The following SELENOW variants were observed in gnomAD, a reference collection of about 807,000 sequenced individuals.
The protein encoded by SELENOW is selenoprotein W, 1.
SELENOW carries 20 observed loss-of-function variants against 16.6 expected under a neutral mutation model. The ratio of observed to expected loss-of-function variants is 1.21; its 90% CI spans 0.85 to 1.76. The LOEUF (loss-of-function observed/expected upper bound fraction) is 1.76. SELENOW is among the 40% of genes most tolerant of loss of function. The pLI, the probability that SELENOW is intolerant of heterozygous loss-of-function variation, is 0.00. For missense variants in SELENOW, 124 were observed against 111.0 expected, an observed-to-expected ratio of 1.12 and a Z score of -0.53; for synonymous variants, 44 against 46.2, an observed-to-expected ratio of 0.95 and a Z score of 0.19.
chr19:47,782,693 A>G (rs1462549380), intron 5 of SELENOW: 2 of 152,062 alleles, frequency 1.3e-5, no homozygotes, highest in Non-Finnish European at 2.9e-5. Context: ...GGCACATGCC[A>G]CTATGCCCGG....
Position 47,778,806 on chromosome 19 carries a change from C to T in SELENOW, c.21C>T (p.Val7=). 6.3e-7 allele frequency: 1 copy of T among 1,599,822 alleles called. No individual in the cohort carries two copies. Among genetic ancestry groups the T allele is most frequent in the Non-Finnish European group, 8.5e-7 (1 of 1,174,896 alleles). ...GAGCCATGGCTCTCGCCGTCCGAGT[C>T]GTTTATTGGTAAGCCCAGCGGCCAG... The part of the protein sequence containing the change: MALAVR[V]VYCGAUGYKS... The change falls in exon 1 of 6, where the codon GTC becomes GTT. Residue 7 remains valine, a synonymous_variant. Transcript: ENST00000601048.
intron 1 of SELENOW, chr19:47,780,118 A>G (rs1366923633): frequency 2.2e-6 from 1 of 455,622 alleles, no homozygotes; most frequent in Non-Finnish European, 4.4e-6. Context: ...AGAATCTAGG[A>G]GCTGCGGGGC....
Position 47,778,759 on chromosome 19 carries a change from C to T in SELENOW, c.-27C>T, listed in dbSNP as rs1388124116. 6 of 1,599,890 alleles carry T rather than the reference C, an allele frequency of 3.8e-6. No homozygotes were observed. Among genetic ancestry groups the T allele is most frequent in the Non-Finnish European group, 1.7e-6 (2 of 1,174,198 alleles). ...GGTTAGTGTGGCCCGGGCGTCCGCT[C>T]CTCAGCGGATGTGGCAGCCCCGAGC... On this transcript the variant is annotated 5_prime_UTR_variant, in exon 1 of 6. Coordinates refer to ENST00000601048, the MANE Select transcript of SELENOW (RefSeq NM_003009.4).
Position 47,780,734 on chromosome 19 carries a change from A to G in SELENOW, c.39A>G (p.Sec13Trp). The G allele has an allele frequency of 6.4e-7, 1 of 1,563,274 alleles. No homozygotes were observed. Among genetic ancestry groups the G allele is most frequent in the Non-Finnish European group, 8.7e-7 (1 of 1,153,562 alleles). Reference sequence around the variant, plus strand: ...TGGACTCTCCTACCAGTGGCGCTTGAGGCTACAAGTCCAAGGTAAGCAGAG... The same window carrying G: ...TGGACTCTCCTACCAGTGGCGCTTGGGGCTACAAGTCCAAGGTAAGCAGAG... ...LAVRVVYCGAUGYKSKYLQLK... is the reference protein window; with the variant it reads ...LAVRVVYCGAWGYKSKYLQLK... The change falls in exon 2 of 6, where the codon TGA (selenocysteine) becomes TGG (tryptophan). Residue 13 changes from selenocysteine (U) to tryptophan (W), a missense_variant. Transcript: ENST00000601048.
Position 47,780,906 on chromosome 19 carries a change from C to CT in SELENOW, c.97_98insT (p.Arg33LeufsTer?), listed in dbSNP as rs1247730976. On this transcript the variant is annotated frameshift_variant, in exon 3 of 6. Transcript: ENST00000601048. LOFTEE classifies it high-confidence loss of function. ...GAAGTTAGAAGATGAGTTCCCCGGC[C>CT]GCCTGGACATCGTGAGTCTTGGGAT... 5.6e-6 allele frequency: 9 copies of CT among 1,613,246 alleles called. No individual in the cohort carries two copies. Among genetic ancestry groups the CT allele is most frequent in the Non-Finnish European group, 5.9e-6 (7 of 1,179,726 alleles).
chr19:47,782,340 G>A (rs1041568336), intron 5 of SELENOW: 1 of 152,022 alleles, frequency 6.6e-6, no homozygotes. Flanking sequence ...TGGATTGTCT[G>A]CTCCAAAAAA....
In SELENOW at chr19:47,781,322, G is replaced by A. The variant is rs781360285; in HGVS notation, c.216G>A (p.Lys72=). 2.5e-6 allele frequency: 4 copies of A among 1,613,222 alleles called. No homozygotes were observed. The highest frequency in any genetic ancestry group is 8.5e-7 in the Non-Finnish European group (1 of 1,179,564). The stretch of plus-strand genomic sequence containing the variant: ...ATGGCTACGTGGACACAGAAAGCAA[G>A]TTTCTGAAGTTGGTGGCCGCCATCA... ...KGDGYVDTES[K]FLKLVAAIKA... is the part of the protein sequence containing the mutation. The change falls in exon 5 of 6, where the codon AAG becomes AAA. Residue 72 remains lysine (K), a synonymous_variant. Transcript: ENST00000601048.
At chr19:47,780,264 T>C in intron 1 of SELENOW, 1 of 367,646 alleles carries the variant, frequency 2.7e-6, no homozygotes, top group Non-Finnish European at 5.5e-6. Flanking sequence ...GGTGTAAGAA[T>C]CCAGGAGCCG....
At chr19:47,779,419 C>G (rs934702843) in intron 1 of SELENOW, 1 of 152,776 alleles carries the variant, frequency 6.5e-6, no homozygotes, top group Non-Finnish European at 1.5e-5. Flanking sequence ...TACGTTCTCT[C>G]CACTCCCCAG....
At chr19:47,779,777 C>T (rs1967450908) in intron 1 of SELENOW, 1 of 159,692 alleles carries the variant, frequency 6.3e-6, no homozygotes. Flanking sequence ...CCACTGCACT[C>T]CATCCTGGAC....
intron 1 of SELENOW, 132 bp from the exon 2 acceptor site, chr19:47,780,585 TTGGTCATC>T (rs1967461956): frequency 5.8e-6 from 4 of 693,340 alleles, no homozygotes; most frequent in Non-Finnish European, 1.0e-5. Flanking sequence ...CCTCTTCTGC[TTGGTCATC>T]TGTGTTCCTC....
chr19:47,780,846 C>T lies in SELENOW; in HGVS notation c.55-18C>T. The T allele has an allele frequency of 6.2e-7, 1 of 1,611,994 alleles. No homozygotes were observed. The highest frequency in any genetic ancestry group is 1.1e-5 in the South Asian group (1 of 90,742). On this transcript the variant is annotated intron_variant, in intron 2 of 5. Transcript: ENST00000601048. ...TGACTGGTATGACCCCTGCTGTGAC[C>T]TCTCACCGCGTTTTCAGTATCTTCA...
chr19:47,779,983 A>G (rs1458480827), intron 1 of SELENOW: 2 of 323,324 alleles, frequency 6.2e-6, no homozygotes, highest in South Asian at 4.7e-5. Context: ...CTGCTCGACA[A>G]AGCAGAGGCA....
intron 1 of SELENOW, chr19:47,779,352 C>T (rs556137858): frequency 6.5e-6 from 1 of 154,364 alleles, no homozygotes; most frequent in South Asian, 2.0e-4. Flanking sequence ...GTGTCAATAC[C>T]GAACACGCTT....
In SELENOW at chr19:47,778,745, C is replaced by T. The variant is rs374973413; in HGVS notation, c.-41C>T. 2.1e-5 allele frequency: 33 copies of T among 1,587,572 alleles called. No homozygotes were observed. Among genetic ancestry groups the T allele is most frequent in the Middle Eastern group, 3.3e-4 (2 of 5,988 alleles). On this transcript the variant is annotated 5_prime_UTR_variant, in exon 1 of 6. Transcript: ENST00000601048. ...GCGTCCAGGTGGGAGGTTAGTGTGG[C>T]CCGGGCGTCCGCTCCTCAGCGGATG...
chr19:47,781,768 G>A (rs1015343533), intron 5 of SELENOW, among the ~76,000 whole-genome samples: 8 of 147,662 alleles, frequency 5.4e-5, no homozygotes, highest in African/African-American at 2.0e-4. Flanking sequence ...GCAGGATGAC[G>A]GCTGAGATGC....
At chr19:47,778,842 C>A (rs753293917) in intron 1 of SELENOW, 28 bp downstream of exon 1, 1 of 1,591,346 alleles carries the variant, frequency 6.3e-7, no homozygotes, top group Admixed American at 1.7e-5. Flanking sequence ...CGGCCCCCGT[C>A]CCCGACCCCC....
At chr19:47,781,885 T>C (rs1372799167) in intron 5 of SELENOW, among the ~76,000 whole-genome samples, 1 of 151,766 alleles carries the variant, frequency 6.6e-6, no homozygotes, top group Non-Finnish European at 1.5e-5. Context: ...GGATGACAGC[T>C]GAGATGGGGT....
rs1967465855 is a variant in SELENOW at position 47,780,862 on chromosome 19, A to G, written c.55-2A>G. 6.2e-7 allele frequency: 1 copy of G among 1,612,822 alleles called. No individual in the cohort carries two copies. Among genetic ancestry groups the G allele is most frequent in the Non-Finnish European group, 8.5e-7 (1 of 1,179,540 alleles). On this transcript the variant is annotated splice_acceptor_variant, in intron 2 of 5. Coordinates refer to ENST00000601048, the MANE Select transcript of SELENOW (RefSeq NM_003009.4). LOFTEE classifies it high-confidence loss of function. The stretch of plus-strand genomic sequence containing the variant: ...TGCTGTGACCTCTCACCGCGTTTTC[A>G]GTATCTTCAGCTCAAGAAGAAGTTA...
Sources: allele counts gnomAD v4.1 joint callset (sites outside exome capture counted in the v4.1 genomes callset), GRCh38; gene constraint gnomAD v4.1.1; transcripts MANE v1.5; gene names NCBI Gene and HGNC (gene_info 2026-07-23, HGNC 2026-07-21).